MPZL1: variants seen among roughly 807,000 people sequenced by gnomAD.
MPZL1 encodes the protein myelin protein zero like 1.
A neutral mutation model predicts 29.3 loss-of-function variants in MPZL1; 16 were observed. The observed-to-expected ratio is 0.55, with a 90% confidence interval of 0.37 to 0.83. The LOEUF (loss-of-function observed/expected upper bound fraction) is 0.83, where lower values mean the gene tolerates loss of function less well. MPZL1 is among the 40% of genes least tolerant of loss of function. The pLI is 0.00. For synonymous variants in MPZL1, 143 were observed against 132.0 expected (o/e 1.08, Z -0.57); for missense variants, 279 against 332.9 (o/e 0.84, Z 1.26).
Position 167,788,871 on chromosome 1 carries a change from T to C in MPZL1, c.*950T>C, listed in dbSNP as rs1302569678. 1 of 118,840 alleles carries C rather than the reference T, an allele frequency of 8.4e-6. No homozygotes were observed. Among genetic ancestry groups the C allele is most frequent in the Admixed American group, 1.1e-4 (1 of 9,386 alleles). 7.4% of individuals were successfully genotyped at this position (118,840 alleles called of 1,614,324 possible). A position where few individuals can be genotyped will look rare whatever the true frequency, so the allele number is the denominator to read the frequency against. ...AGAGCTCGCTCTCTAGAGAATCACC[T>C]TCTTTCGCTTTTTTTTTTTTTTTTG... On this transcript the variant is annotated 3_prime_UTR_variant, in exon 6 of 6. Coordinates refer to ENST00000359523, the MANE Select transcript of MPZL1 (RefSeq NM_003953.6).
intron 1 of MPZL1, among the ~76,000 whole-genome samples, chr1:167,760,025 A>T (rs1434268487): frequency 6.6e-6 from 1 of 151,992 alleles, no homozygotes; most frequent in Non-Finnish European, 1.5e-5. Context: ...TTTTAATGAG[A>T]TCTCTTTGGC....
At chr1:167,726,070 C>T (rs1660139130) in intron 1 of MPZL1, among the ~76,000 whole-genome samples, 1 of 152,248 alleles carries the variant, frequency 6.6e-6, no homozygotes, top group South Asian at 2.1e-4. Flanking sequence ...CTGAAAAGCT[C>T]TTTGTGATCT....
At chr1:167,751,716 G>C (rs949146341) in intron 1 of MPZL1, among the ~76,000 whole-genome samples, 2 of 151,254 alleles carry the variant, frequency 1.3e-5, no homozygotes, top group African/African-American at 2.4e-5. Context: ...GCAATACTTA[G>C]TTTTTAAAAA....
At chr1:167,766,322 A>G (rs1661113394) in intron 2 of MPZL1, among the ~76,000 whole-genome samples, 2 of 152,218 alleles carry the variant, frequency 1.3e-5, no homozygotes, top group Admixed American at 1.3e-4. Flanking sequence ...GCACCAGAGC[A>G]TTGAAAAAAG....
intron 4 of MPZL1, chr1:167,773,581 CCA>C: frequency 2.0e-6 from 1 of 495,060 alleles, no homozygotes; most frequent in Non-Finnish European, 3.4e-6. Flanking sequence ...AATCTCTGTT[CCA>C]GTTTCCTTCT....
chr1:167,725,234 A>G (rs925535512), intron 1 of MPZL1, among the ~76,000 whole-genome samples: 1 of 152,124 alleles, frequency 6.6e-6, no homozygotes, highest in Non-Finnish European at 1.5e-5. Flanking sequence ...TTTTAGTCAA[A>G]GTCACCACCA....
At chr1:167,768,915 AT>A (rs1320161166) in intron 2 of MPZL1, among the ~76,000 whole-genome samples, 8 of 152,350 alleles carry the variant, frequency 5.3e-5, no homozygotes, top group African/African-American at 1.4e-4. Context: ...GGAAGGATTC[AT>A]TTGCAAAGCT....
chr1:167,761,139 A>G (rs1279538288), intron 1 of MPZL1, among the ~76,000 whole-genome samples: 1 of 152,154 alleles, frequency 6.6e-6, no homozygotes, highest in African/African-American at 2.4e-5. Context: ...ATCCAAGAGA[A>G]CAGAAGAGGA....
Position 167,722,129 on chromosome 1 carries a change from G to GCGGCGA in MPZL1, c.-21_-16dup. Reference sequence around the variant, plus strand: ...CGGGCTCAGGGACGCGGCGGCGGCGGCGGCGACTGCAGTGGCTGGACGATG... The same window carrying GCGGCGA: ...CGGGCTCAGGGACGCGGCGGCGGCGGCGGCGACGGCGACTGCAGTGGCTGGACGATG... On this transcript the variant is annotated 5_prime_UTR_variant, in exon 1 of 6. Transcript: ENST00000359523. 1 of 1,234,612 alleles carries GCGGCGA rather than the reference G, an allele frequency of 8.1e-7. No individual in the cohort carries two copies. The highest frequency in any genetic ancestry group is 3.2e-5 in the East Asian group (1 of 31,688). 76.5% of individuals were successfully genotyped at this position (1,234,612 alleles called of 1,614,324 possible).
chr1:167,778,002 A>G (rs189255891), intron 5 of MPZL1, among the ~76,000 whole-genome samples: 7 of 152,338 alleles, frequency 4.6e-5, no homozygotes, highest in Admixed American at 3.9e-4. Flanking sequence ...ACAATGTACA[A>G]TTTACAATGT....
intron 5 of MPZL1, among the ~76,000 whole-genome samples, chr1:167,779,259 A>G (rs1661439600): frequency 6.6e-6 from 1 of 152,210 alleles, no homozygotes. Context: ...TTTTTAGTAA[A>G]TTTAATGAAA....
chr1:167,728,358 CT>C (rs1558106399), intron 1 of MPZL1, among the ~76,000 whole-genome samples: 1 of 124,520 alleles, frequency 8.0e-6, no homozygotes, highest in Non-Finnish European at 1.6e-5. Context: ...TTCTTTCTTT[CT>C]TTCTTTTTTT....
At chr1:167,729,604 GGT>G (rs2101746755) in intron 1 of MPZL1, among the ~76,000 whole-genome samples, 1 of 152,170 alleles carries the variant, frequency 6.6e-6, no homozygotes, top group East Asian at 1.9e-4. Context: ...AGAGAAATGT[GGT>G]AAAATGCAAA....
chr1:167,761,555 A>C (rs1223225785), intron 1 of MPZL1, among the ~76,000 whole-genome samples: 1 of 152,170 alleles, frequency 6.6e-6, no homozygotes, highest in African/African-American at 2.4e-5. Context: ...CGGTGAAATA[A>C]GCAGCTCAGT....
rs1264780231 is a variant in MPZL1 at position 167,739,306 on chromosome 1, TATACAC to T, written c.91+17068_91+17073del. ...ACATATATATATATATATATATATA[TATACAC>T]ATATATATATTTATGTTTATTCTTT... On this transcript the variant is annotated intron_variant, in intron 1 of 5. Coordinates refer to ENST00000359523, the MANE Select transcript of MPZL1 (RefSeq NM_003953.6). 1.8e-3 allele frequency among the ~76,000 whole-genome samples: 195 copies of T among 106,106 alleles called. 1 individual carries two copies. The highest frequency in any genetic ancestry group is 2.8e-3 in the African/African-American group (57 of 20,098). The allele number at this position is 106,106 out of a possible 152,430, so 69.6% of individuals were successfully genotyped here.
At chr1:167,747,295 A>G (rs1037323349) in intron 1 of MPZL1, among the ~76,000 whole-genome samples, 3 of 152,180 alleles carry the variant, frequency 2.0e-5, no homozygotes, top group African/African-American at 7.2e-5. Context: ...ATCTCAGCTC[A>G]CAGCAGCCTC....
At chr1:167,785,085 C>A (rs1382978898) in intron 5 of MPZL1, among the ~76,000 whole-genome samples, 1 of 152,184 alleles carries the variant, frequency 6.6e-6, no homozygotes, top group African/African-American at 2.4e-5. Flanking sequence ...ACGTAACAAA[C>A]CCCCCAAAAT....
intron 1 of MPZL1, among the ~76,000 whole-genome samples, chr1:167,754,872 G>A (rs182011941): frequency 1.1e-3 from 169 of 152,318 alleles, no homozygotes; most frequent in African/African-American, 4.0e-3. Context: ...TCTTTTAAGA[G>A]TTAGACTGTT....
Position 167,790,659 on chromosome 1 carries a change from A to G in MPZL1, c.*2738A>G, listed in dbSNP as rs1162101764. ...TCTTAAAATTATGCGCTAATTCTGT[A>G]TGGGAGCACTCAAAAGGCATTACTT... On this transcript the variant is annotated 3_prime_UTR_variant, in exon 6 of 6. Coordinates refer to ENST00000359523, the MANE Select transcript of MPZL1 (RefSeq NM_003953.6). 1.3e-5 allele frequency: 2 copies of G among 152,210 alleles called. No individual in the cohort carries two copies. The highest frequency in any genetic ancestry group is 1.9e-4 in the East Asian group (1 of 5,196). The allele number at this position is 152,210 out of a possible 1,614,324, so 9.4% of individuals were successfully genotyped here. A position where few individuals can be genotyped will look rare whatever the true frequency, so the allele number is the denominator to read the frequency against.
Sources: gnomAD v4.1 joint callset for allele counts (sites outside exome capture counted in the v4.1 genomes callset) on GRCh38, gnomAD v4.1.1 for gene constraint, MANE v1.5 for transcripts, NCBI Gene and HGNC (gene_info 2026-07-23, HGNC 2026-07-21) for gene names.